The following AGO1 variants were observed in gnomAD, a reference collection of about 807,000 sequenced individuals.
AGO1 encodes protein argonaute-1.
Under a neutral mutation model 109.2 loss-of-function variants are expected in AGO1, and 11 were observed. The ratio of observed to expected loss-of-function variants is 0.10; its 90% CI spans 0.06 to 0.17. The LOEUF (loss-of-function observed/expected upper bound fraction) is 0.17. Ranked by LOEUF, AGO1 falls within the 10% of genes least tolerant of loss-of-function variation. The pLI, the probability that AGO1 is intolerant of heterozygous loss-of-function variation, is 1.00. For missense variants in AGO1, 574 were observed against 1,140.3 expected (o/e 0.50, Z 7.15); for synonymous variants, 422 against 418.6 (o/e 1.01, Z -0.10).
At position 35,893,498 on chromosome 1, in the gene AGO1, A is replaced by G; in HGVS notation, c.513-176A>G. On this transcript the variant is annotated intron_variant, in intron 4 of 18. Coordinates refer to ENST00000373204, the MANE Select transcript of AGO1 (RefSeq NM_012199.5). This position sits in a 1 kb window ranked among gnomAD's most constrained non-coding sequence, Gnocchi z 5.6. ...TGGGCCTCATCCCATCTGTCCCTGC[A>G]GGGCAGAGAGAAGGTAGAAACTTGT... is the stretch of plus-strand genomic sequence containing the variant. 1.2e-6 allele frequency: 1 copy of G among 825,862 alleles called. No homozygotes were observed. Among genetic ancestry groups the G allele is most frequent in the Non-Finnish European group, 1.8e-6 (1 of 543,766 alleles). The allele number at this position is 825,862 out of a possible 1,614,324, so 51.2% of individuals were successfully genotyped here.
intron 1 of AGO1, among the ~76,000 whole-genome samples, chr1:35,876,772 T>G (rs1412396377): frequency 1.3e-5 from 2 of 152,160 alleles, no homozygotes; most frequent in Non-Finnish European, 2.9e-5. Context: ...CAAACAGTAT[T>G]GCATGCTATA....
At chr1:35,900,724 T>A (rs1434873351) in intron 8 of AGO1, among the ~76,000 whole-genome samples, 2 of 151,094 alleles carry the variant, frequency 1.3e-5, no homozygotes, top group African/African-American at 2.4e-5. Context: ...CAAAACTCCC[T>A]CTCAAAAATA....
chr1:35,907,549 C>T (rs1173061350), intron 12 of AGO1, among the ~76,000 whole-genome samples: 2 of 152,186 alleles, frequency 1.3e-5, no homozygotes, highest in Middle Eastern at 3.4e-3. Flanking sequence ...TGCTATCTCT[C>T]CTCTTTTCCT....
In AGO1 at chr1:35,901,655, C is replaced by T; in HGVS notation, c.1140+62C>T. 3 of 1,609,500 alleles carry T rather than the reference C, an allele frequency of 1.9e-6. No homozygotes were observed. Among genetic ancestry groups the T allele is most frequent in the Non-Finnish European group, 1.7e-6 (2 of 1,177,356 alleles). The stretch of plus-strand genomic sequence containing the variant: ...CATTGGTAGCATAAATGTTTTAATG[C>T]CCCAGCAGGACCTTCCTTCAGGAGA... On this transcript the variant is annotated intron_variant, in intron 9 of 18. Transcript: ENST00000373204. The surrounding 1 kb of genome is among the most constrained non-coding windows in gnomAD (Gnocchi z 4.8).
intron 2 of AGO1, among the ~76,000 whole-genome samples, chr1:35,890,525 G>A (rs1339762786): frequency 6.6e-6 from 1 of 152,100 alleles, no homozygotes; most frequent in East Asian, 1.9e-4. Flanking sequence ...TGCATAGGTT[G>A]AGTGGCTGTA....
At chr1:35,892,703 T>C in intron 3 of AGO1, 26 bp downstream of exon 3, 2 of 1,614,024 alleles carry the variant, frequency 1.2e-6, no homozygotes, top group Non-Finnish European at 1.7e-6. Flanking sequence ...AGGCTAGGCC[T>C]GTGTCAGGGG....
Position 35,892,588 on chromosome 1 carries a change from A to G in AGO1, c.241A>G (p.Lys81Glu). Residue 81 changes from lysine to glutamate, a missense_variant, in exon 3 of 19, where the codon AAG (lysine) becomes GAG (glutamate). Lys to Glu is a moderately conservative substitution (Grantham distance 56). Coordinates refer to ENST00000373204, the MANE Select transcript of AGO1 (RefSeq NM_012199.5). Reference sequence around the variant, plus strand: ...GGTGGAATACATGGTCCAGCATTTCAAGCCTCAGATCTTTGGTGATCGCAA... The same window carrying G: ...GGTGGAATACATGGTCCAGCATTTCGAGCCTCAGATCTTTGGTGATCGCAA... ...EVVEYMVQHFKPQIFGDRKPV... is the reference protein window; with the variant it reads ...EVVEYMVQHFEPQIFGDRKPV... 6.2e-7 allele frequency: 1 copy of G among 1,614,256 alleles called. No homozygotes were observed. The highest frequency in any genetic ancestry group is 2.2e-5 in the East Asian group (1 of 44,884).
chr1:35,902,213 A>G lies in AGO1; in HGVS notation c.1273A>G (p.Ile425Val), dbSNP rs1428424991. The G allele has an allele frequency of 1.9e-6, 3 of 1,613,712 alleles. No individual in the cohort carries two copies. The highest frequency in any genetic ancestry group is 1.7e-6 in the Non-Finnish European group (2 of 1,179,838). ...CTCTACCTATCCCCAGAACCGGGCC[A>G]TTGCCACACCCAATCAGGGTGTCTG... ...ILQYGGRNRA[I>V]ATPNQGVWDM... The change falls in exon 11 of 19, where the codon ATT becomes GTT. Residue 425 changes from isoleucine (I) to valine (V), a missense_variant. This residue lies in a region of AGO1 where 106 missense variants were observed against 147.8 expected (regional missense o/e 0.72). Coordinates refer to ENST00000373204, the MANE Select transcript of AGO1 (RefSeq NM_012199.5).
At chr1:35,906,886 G>T (rs770775347) in intron 11 of AGO1, 49 bp from the exon 12 acceptor site, 8 of 1,535,804 alleles carry the variant, frequency 5.2e-6, no homozygotes, top group African/African-American at 1.4e-5. Context: ...TTTGTCAGAA[G>T]AATTCAAGTG....
At chr1:35,887,179 T>G (rs1645134736) in intron 1 of AGO1, among the ~76,000 whole-genome samples, 1 of 152,094 alleles carries the variant, frequency 6.6e-6, no homozygotes, top group African/African-American at 2.4e-5. Context: ...ACAGAGCAGC[T>G]TAGCTCTGGG....
intron 12 of AGO1, among the ~76,000 whole-genome samples, chr1:35,907,896 G>A (rs918877275): frequency 3.3e-5 from 5 of 152,140 alleles, no homozygotes; most frequent in African/African-American, 1.2e-4. Flanking sequence ...ATGCCAAGGT[G>A]GGAGGATCGC....
upstream of AGO1, chr1:35,869,785 A>G (rs1644930929): frequency 6.6e-6 from 1 of 152,198 alleles, no homozygotes; most frequent in Non-Finnish European, 1.5e-5. Context: ...ACCTGTGAGG[A>G]CGCCACGTGA....
Position 35,895,287 on chromosome 1 carries a change from T to C in AGO1, c.1020+18T>C. ...CCCTAGAGGTGAGATTGCCAAGTAA[T>C]GGCTGGGGAATAGGCATTGTATATA... On this transcript the variant is annotated intron_variant, in intron 8 of 18. Transcript: ENST00000373204. 2 of 1,609,180 alleles carry C rather than the reference T, an allele frequency of 1.2e-6. No homozygotes were observed. Among genetic ancestry groups the C allele is most frequent in the Non-Finnish European group, 1.7e-6 (2 of 1,177,266 alleles).
intron 1 of AGO1, among the ~76,000 whole-genome samples, chr1:35,874,459 G>A (rs1248912479): frequency 6.6e-6 from 1 of 152,224 alleles, no homozygotes; most frequent in Non-Finnish European, 1.5e-5. Flanking sequence ...TTATGGGCAT[G>A]AGCCAACGTG....
In AGO1 at chr1:35,917,746, C is replaced by T. The variant is rs1391905350; in HGVS notation, c.2163+19C>T. 1.2e-6 allele frequency: 2 copies of T among 1,606,106 alleles called. No homozygotes were observed. Among genetic ancestry groups the T allele is most frequent in the African/African-American group, 1.3e-5 (1 of 74,776 alleles). On this transcript the variant is annotated intron_variant, in intron 16 of 18. Coordinates refer to ENST00000373204, the MANE Select transcript of AGO1 (RefSeq NM_012199.5). ...TGAGCGAGTGAGTGAGGGACTGAGG[C>T]CTCCCATCCCCTCCTTCTGTCTCCC...
At chr1:35,872,793 G>A (rs1227767353) in intron 1 of AGO1, among the ~76,000 whole-genome samples, 1 of 152,004 alleles carries the variant, frequency 6.6e-6, no homozygotes, top group Non-Finnish European at 1.5e-5. Flanking sequence ...GGCTAGTCTT[G>A]AACTCTGGGC....
In AGO1 at chr1:35,901,327, T is replaced by C; in HGVS notation, c.1021-147T>C. On this transcript the variant is annotated intron_variant, in intron 8 of 18. Coordinates refer to ENST00000373204, the MANE Select transcript of AGO1 (RefSeq NM_012199.5). This position sits in a 1 kb window ranked among gnomAD's most constrained non-coding sequence, Gnocchi z 4.8. ...TTCTAATTTACCTATCAAATGATACTCAGGAGGAGAATACATGTATGCACA... is the reference window on the plus strand; with the variant it reads ...TTCTAATTTACCTATCAAATGATACCCAGGAGGAGAATACATGTATGCACA... 1.1e-6 allele frequency: 1 copy of C among 945,824 alleles called. No individual in the cohort carries two copies. Among genetic ancestry groups the C allele is most frequent in the Non-Finnish European group, 1.6e-6 (1 of 623,164 alleles). 58.6% of individuals were successfully genotyped at this position (945,824 alleles called of 1,614,324 possible). A position where few individuals can be genotyped will look rare whatever the true frequency, so the allele number is the denominator to read the frequency against.
rs1645268804 is a variant in AGO1 at position 35,893,918 on chromosome 1, C to CCCT, written c.649+109_649+111dup. 22 of 1,526,514 alleles carry CCCT rather than the reference C, an allele frequency of 1.4e-5. No individual in the cohort carries two copies. In the South Asian group the frequency reaches 2.5e-4, roughly 17 times the overall value. 94.6% of individuals were successfully genotyped at this position (1,526,514 alleles called of 1,614,324 possible). The stretch of plus-strand genomic sequence containing the variant: ...CACACTCCTAGTCTAATTCCTACAG[C>CCCT]CCTGGCACCCCCTTCCCCCATCCCA... On this transcript the variant is annotated intron_variant, in intron 5 of 18. Transcript: ENST00000373204. The surrounding 1 kb of genome is among the most constrained non-coding windows in gnomAD (Gnocchi z 5.6).
chr1:35,893,832 G>A lies in AGO1; in HGVS notation c.649+22G>A. ...GATGGTGAGTGGGGAGAGCTATGGA[G>A]CCAGGGGCACCCCAAGTCCAGTGAC... On this transcript the variant is annotated intron_variant, in intron 5 of 18. Coordinates refer to ENST00000373204, the MANE Select transcript of AGO1 (RefSeq NM_012199.5). The surrounding 1 kb of genome is among the most constrained non-coding windows in gnomAD (Gnocchi z 5.6). 6.2e-7 allele frequency: 1 copy of A among 1,603,494 alleles called. No individual in the cohort carries two copies. The highest frequency in any genetic ancestry group is 8.5e-7 in the Non-Finnish European group (1 of 1,173,192).
Sources: gnomAD v4.1 joint callset for allele counts (sites outside exome capture counted in the v4.1 genomes callset) on GRCh38, gnomAD v4.1.1 for gene constraint, gnomAD v4.1.1 regional missense constraint, Gnocchi (gnomAD v3.1) non-coding constraint, MANE v1.5 for transcripts, NCBI Gene and HGNC (gene_info 2026-07-23, HGNC 2026-07-21) for gene names.